The following TET1 variants were observed in gnomAD, a reference collection of about 807,000 sequenced individuals.
TET1 encodes the protein methylcytosine dioxygenase TET1.
Under a neutral mutation model 148.7 loss-of-function variants are expected in TET1, and 13 were observed. The observed-to-expected ratio is 0.09, with a 90% CI of 0.06 to 0.14. TET1 has a LOEUF of 0.14. TET1 is among the 10% of genes least tolerant of loss of function. TET1 has a pLI of 1.00. For synonymous variants in TET1, 907 were observed against 937.2 expected (o/e 0.97, Z 0.59); for missense variants, 2,182 against 2,553.8 (o/e 0.85, Z 3.14).
chr10:68,608,684 G>A (rs1398038672), intron 3 of TET1, among the ~76,000 whole-genome samples: 1 of 152,032 alleles, frequency 6.6e-6, no homozygotes, highest in African/African-American at 2.4e-5. Context: ...AAAAGTGTGT[G>A]CCACCAAGCC....
intron 6 of TET1, 151 bp downstream of exon 6, chr10:68,652,745 G>A (rs1589113665): frequency 2.0e-6 from 1 of 507,470 alleles, no homozygotes; most frequent in Non-Finnish European, 3.4e-6. Context: ...CTGGATTGCA[G>A]TGGTGCAATC....
intron 6 of TET1, among the ~76,000 whole-genome samples, chr10:68,661,891 T>A (rs1023714676): frequency 3.3e-5 from 5 of 150,150 alleles, no homozygotes; most frequent in Non-Finnish European, 5.9e-5. Flanking sequence ...TTTTTTTTTT[T>A]TTTTTGTGAG....
intron 3 of TET1, among the ~76,000 whole-genome samples, chr10:68,640,544 C>CTT (rs60460824): frequency 0.011 from 475 of 42,866 alleles, 103 homozygotes; most frequent in African/African-American, 0.043. Flanking sequence ...TTCTTTCTTT[C>CTT]TTTTTTTTTT....
At chr10:68,658,481 T>C (rs1373050597) in intron 6 of TET1, among the ~76,000 whole-genome samples, 1 of 152,190 alleles carries the variant, frequency 6.6e-6, no homozygotes, top group Non-Finnish European at 1.5e-5. Flanking sequence ...TGCTTCTCTT[T>C]TTAATGATCA....
intron 10 of TET1, 49 bp from the exon 11 acceptor site, chr10:68,686,307 T>C (rs1446457487): frequency 2.7e-6 from 4 of 1,468,302 alleles, no homozygotes; most frequent in Admixed American, 4.4e-5. Flanking sequence ...CCACAATGAA[T>C]GTGCACGACC....
Position 68,691,271 on chromosome 10 carries a change from A to G in TET1, c.5868A>G (p.Pro1956=), listed in dbSNP as rs1379835550. The G allele has an allele frequency of 6.2e-7, 1 of 1,614,126 alleles. No individual in the cohort carries two copies. The highest frequency in any genetic ancestry group is 8.5e-7 in the Non-Finnish European group (1 of 1,180,032). The change falls in exon 12 of 12, where the codon CCA becomes CCG. Residue 1956 remains proline, a synonymous_variant. Coordinates refer to ENST00000373644, the MANE Select transcript of TET1 (RefSeq NM_030625.3). The surrounding 1 kb of genome is among the most constrained non-coding windows in gnomAD (Gnocchi z 4.4). The stretch of plus-strand genomic sequence containing the variant: ...CTCCTCAAGACCTTGCCTCTTCTCC[A>G]ATGGAAGAAGATGAGCAGCATTCTG... ...LTSPQDLASS[P]MEEDEQHSEA...
intron 4 of TET1, among the ~76,000 whole-genome samples, chr10:68,650,830 T>C (rs1466084084): frequency 6.6e-6 from 1 of 152,058 alleles, no homozygotes; most frequent in African/African-American, 2.4e-5. Flanking sequence ...TTAAGAAACA[T>C]AAAATTCATG....
At chr10:68,686,739 C>A in intron 11 of TET1, 32 bp downstream of exon 11, 1 of 1,567,964 alleles carries the variant, frequency 6.4e-7, no homozygotes, top group Non-Finnish European at 8.7e-7. Context: ...AATCTCTGCA[C>A]AACTTTGATG....
At chr10:68,658,632 C>T (rs1011854920) in intron 6 of TET1, among the ~76,000 whole-genome samples, 3 of 152,200 alleles carry the variant, frequency 2.0e-5, no homozygotes, top group African/African-American at 7.2e-5. Flanking sequence ...AAAACTCTCA[C>T]ATAATTATAG....
chr10:68,683,467 A>G (rs2133226567), intron 10 of TET1, among the ~76,000 whole-genome samples: 1 of 152,188 alleles, frequency 6.6e-6, no homozygotes, highest in South Asian at 2.1e-4. Context: ...TTTAGTAGAG[A>G]TGGGATTTCA....
At chr10:68,637,099 A>G (rs2054664201) in intron 3 of TET1, among the ~76,000 whole-genome samples, 2 of 151,790 alleles carry the variant, frequency 1.3e-5, no homozygotes, top group South Asian at 2.1e-4. Flanking sequence ...TCCGGGTTCA[A>G]GTGATTCTCC....
chr10:68,678,116 G>C (rs2055386378), intron 8 of TET1, among the ~76,000 whole-genome samples: 4 of 152,128 alleles, frequency 2.6e-5, no homozygotes. Context: ...CCTTGAATGA[G>C]ATCCCTCTAG....
Position 68,692,985 on chromosome 10 carries a change from A to G in TET1, c.*1171A>G, listed in dbSNP as rs1239036872. The stretch of plus-strand genomic sequence containing the variant: ...GAAATATTTTGAAAACAAATTCCCT[A>G]CTATCATCACATGCCTCCCCAACCC... On this transcript the variant is annotated 3_prime_UTR_variant, in exon 12 of 12. Coordinates refer to ENST00000373644, the MANE Select transcript of TET1 (RefSeq NM_030625.3). 2 of 230,802 alleles carry G rather than the reference A, an allele frequency of 8.7e-6. No homozygotes were observed. Among genetic ancestry groups the G allele is most frequent in the South Asian group, 1.8e-4 (1 of 5,440 alleles). The allele number at this position is 230,802 out of a possible 1,614,324, so 14.3% of individuals were successfully genotyped here. A position where few individuals can be genotyped will look rare whatever the true frequency, so the allele number is the denominator to read the frequency against.
intron 3 of TET1, among the ~76,000 whole-genome samples, chr10:68,639,008 T>A (rs1027358222): frequency 6.6e-6 from 1 of 152,010 alleles, no homozygotes; most frequent in Non-Finnish European, 1.5e-5. Context: ...TCAGGGTGGG[T>A]AGGATGGTCC....
intron 6 of TET1, among the ~76,000 whole-genome samples, chr10:68,658,668 T>C (rs889757614): frequency 6.6e-6 from 1 of 152,216 alleles, no homozygotes; most frequent in Non-Finnish European, 1.5e-5. Flanking sequence ...TTTGACTCTT[T>C]TTCTCTGCTG....
At chr10:68,628,327 T>A (rs753412900) in intron 3 of TET1, among the ~76,000 whole-genome samples, 8 of 152,238 alleles carry the variant, frequency 5.3e-5, no homozygotes, top group Non-Finnish European at 1.0e-4. Flanking sequence ...AGAAAACAAG[T>A]CTTTTTCTCT....
chr10:68,639,538 G>T (rs1429047687), intron 3 of TET1, among the ~76,000 whole-genome samples: 2 of 151,338 alleles, frequency 1.3e-5, no homozygotes, highest in Non-Finnish European at 2.9e-5. Flanking sequence ...GTTCACACTG[G>T]GCTCACTGGA....
chr10:68,589,448 A>G (rs1484214701), intron 2 of TET1, among the ~76,000 whole-genome samples: 1 of 152,068 alleles, frequency 6.6e-6, no homozygotes, highest in Non-Finnish European at 1.5e-5. Context: ...ATATATCTAT[A>G]TGTGTGTATA....
intron 7 of TET1, among the ~76,000 whole-genome samples, chr10:68,670,363 A>G (rs1021911119): frequency 6.6e-6 from 1 of 152,192 alleles, no homozygotes; most frequent in Admixed American, 6.5e-5. Context: ...GGCTAATTCT[A>G]TAGACTGTTA....
Sources: gnomAD v4.1 joint callset for allele counts (sites outside exome capture counted in the v4.1 genomes callset) on GRCh38, gnomAD v4.1.1 for gene constraint, Gnocchi (gnomAD v3.1) non-coding constraint, MANE v1.5 for transcripts, NCBI Gene and HGNC (gene_info 2026-07-23, HGNC 2026-07-21) for gene names.